The following CTNND2 variants were observed in gnomAD, a reference collection of about 807,000 sequenced individuals.
The protein encoded by CTNND2 is catenin delta-2.
CTNND2 carries 22 observed loss-of-function variants against 144.4 expected under a neutral mutation model. The ratio of observed to expected loss-of-function variants is 0.15; its 90% CI spans 0.11 to 0.22. The LOEUF is 0.22. Among genes scored for constraint, CTNND2 ranks in the 10% least tolerant of loss-of-function variants. The pLI, the probability that CTNND2 is intolerant of heterozygous loss-of-function variation, is 1.00. For synonymous variants in CTNND2, 751 were observed against 695.6 expected, an observed-to-expected ratio of 1.08 and a Z score of -1.25; for missense variants, 1,353 against 1,618.8, an observed-to-expected ratio of 0.84 and a Z score of 2.82.
chr5:11,140,319 A>C (rs2149733350), intron 12 of CTNND2, among the ~76,000 whole-genome samples: 1 of 152,330 alleles, frequency 6.6e-6, no homozygotes, highest in East Asian at 1.9e-4. Flanking sequence ...CTGTCCTCAA[A>C]GTACTCCTAG....
At chr5:11,443,454 G>A (rs548431837) in intron 3 of CTNND2, among the ~76,000 whole-genome samples, 2 of 150,138 alleles carry the variant, frequency 1.3e-5, no homozygotes, top group East Asian at 2.0e-4. Flanking sequence ...GTGTATGTCT[G>A]TGCGGTGTGT....
chr5:11,452,363 C>T (rs941329738), intron 3 of CTNND2, among the ~76,000 whole-genome samples: 4 of 152,040 alleles, frequency 2.6e-5, no homozygotes, highest in African/African-American at 7.2e-5. Flanking sequence ...GGAAAATATA[C>T]CCCAAAGTAA....
chr5:11,383,341 A>G (rs968815266), intron 7 of CTNND2, among the ~76,000 whole-genome samples: 2 of 152,176 alleles, frequency 1.3e-5, no homozygotes, highest in African/African-American at 4.8e-5. Flanking sequence ...CTTATTTTAC[A>G]AAAGCATTTA....
chr5:11,395,565 A>G (rs569634813), intron 6 of CTNND2, among the ~76,000 whole-genome samples: 2 of 152,354 alleles, frequency 1.3e-5, no homozygotes, highest in South Asian at 4.1e-4. Flanking sequence ...TATCTTTATA[A>G]CTTAGTAACC....
intron 9 of CTNND2, among the ~76,000 whole-genome samples, chr5:11,327,961 T>C (rs983343308): frequency 6.6e-6 from 1 of 152,228 alleles, no homozygotes. Context: ...TACAATAATA[T>C]ATTTTATGGA....
At chr5:11,308,074 C>T (rs1323029509) in intron 9 of CTNND2, among the ~76,000 whole-genome samples, 1 of 152,238 alleles carries the variant, frequency 6.6e-6, no homozygotes. Context: ...TGCTCTCAGA[C>T]TTCCCAGCCT....
chr5:11,459,399 A>T (rs987763706), intron 3 of CTNND2, among the ~76,000 whole-genome samples: 2 of 152,162 alleles, frequency 1.3e-5, no homozygotes, highest in African/African-American at 4.8e-5. Flanking sequence ...AAACCCCACC[A>T]TAGGAGACTC....
intron 1 of CTNND2, among the ~76,000 whole-genome samples, chr5:11,883,414 G>C (rs1398983474): frequency 1.3e-5 from 2 of 152,094 alleles, no homozygotes; most frequent in Non-Finnish European, 2.9e-5. Flanking sequence ...TCTCACCTAT[G>C]AATGAGAACA....
Position 11,201,096 on chromosome 5 carries a change from T to C in CTNND2, c.1762-1435A>G, listed in dbSNP as rs965376150. On this transcript the variant is annotated intron_variant, in intron 10 of 21. Coordinates refer to ENST00000304623, the MANE Select transcript of CTNND2 (RefSeq NM_001332.4). ...CCCAAGCCAGCATTCTTGTTTATCT[T>C]CAAGTGCTATTGAATTCTTCATAGG... Among the ~76,000 whole-genome samples, 100 of 152,340 alleles carry C rather than the reference T, an allele frequency of 6.6e-4. 1 individual carries two copies. Among genetic ancestry groups the C allele is most frequent in the Middle Eastern group, 3.4e-3 (1 of 294 alleles).
intron 12 of CTNND2, among the ~76,000 whole-genome samples, chr5:11,146,336 T>C (rs1002156214): frequency 6.6e-6 from 1 of 152,178 alleles, no homozygotes; most frequent in Non-Finnish European, 1.5e-5. Context: ...GGGGGCAGAC[T>C]GGCTGCAGAG....
intron 9 of CTNND2, among the ~76,000 whole-genome samples, chr5:11,311,166 T>C (rs1350704393): frequency 9.6e-6 from 1 of 104,298 alleles, no homozygotes; most frequent in African/African-American, 3.8e-5. Flanking sequence ...AACCCTTACC[T>C]CACAGGCACA....
chr5:11,813,677 T>A (rs949577589), intron 1 of CTNND2, among the ~76,000 whole-genome samples: 2 of 152,200 alleles, frequency 1.3e-5, no homozygotes, highest in Non-Finnish European at 2.9e-5. Flanking sequence ...TATTTATGTA[T>A]TTATTTAGAA....
chr5:11,102,107 A>C (rs750832861), intron 14 of CTNND2, among the ~76,000 whole-genome samples: 7 of 152,096 alleles, frequency 4.6e-5, no homozygotes, highest in Non-Finnish European at 1.5e-5. Context: ...TTTACTCCTT[A>C]TGTTTGAGAG....
At chr5:11,880,518 A>C (rs938010675) in intron 1 of CTNND2, among the ~76,000 whole-genome samples, 1 of 136,994 alleles carries the variant, frequency 7.3e-6, no homozygotes, top group African/African-American at 2.7e-5. Flanking sequence ...TACTACTACC[A>C]CTACTACTAC....
intron 3 of CTNND2, among the ~76,000 whole-genome samples, chr5:11,516,209 A>G (rs142284226): frequency 1.3e-5 from 2 of 152,276 alleles, no homozygotes; most frequent in Non-Finnish European, 2.9e-5. Flanking sequence ...GTTTTTTATT[A>G]TCTAATTATA....
chr5:11,862,183 T>C (rs2127027963), intron 1 of CTNND2, among the ~76,000 whole-genome samples: 1 of 152,340 alleles, frequency 6.6e-6, no homozygotes, highest in South Asian at 2.1e-4. Flanking sequence ...TATGGACCAA[T>C]TGTTAGGAAA....
At chr5:11,492,275 AG>A (rs1224858521) in intron 3 of CTNND2, among the ~76,000 whole-genome samples, 5 of 152,184 alleles carry the variant, frequency 3.3e-5, no homozygotes, top group Non-Finnish European at 5.9e-5. Flanking sequence ...CCTGTGGCAA[AG>A]GAGCTTTTAG....
intron 2 of CTNND2, among the ~76,000 whole-genome samples, chr5:11,602,967 G>A (rs1014296625): frequency 3.6e-4 from 54 of 151,706 alleles, no homozygotes; most frequent in African/African-American, 1.1e-3. Context: ...AACATAATAC[G>A]TAATAATGAT....
At chr5:11,576,430 TA>T (rs1013793813) in intron 2 of CTNND2, among the ~76,000 whole-genome samples, 9 of 150,628 alleles carry the variant, frequency 6.0e-5, no homozygotes, top group African/African-American at 2.2e-4. Flanking sequence ...TATATAATTT[TA>T]AAAGGTTACT....
Sources: gnomAD v4.1 joint callset for allele counts (sites outside exome capture counted in the v4.1 genomes callset) on GRCh38, gnomAD v4.1.1 for gene constraint, MANE v1.5 for transcripts, NCBI Gene and HGNC (gene_info 2026-07-23, HGNC 2026-07-21) for gene names.